The following NOTCH1 variants were observed in gnomAD, a reference collection of about 807,000 sequenced individuals.
The protein encoded by NOTCH1 is notch receptor 1.
Under a neutral mutation model 254.8 loss-of-function variants are expected in NOTCH1, and 37 were observed. The ratio of observed to expected loss-of-function variants is 0.15; its 90% CI spans 0.11 to 0.19. The LOEUF (loss-of-function observed/expected upper bound fraction) is 0.19, where lower values mean the gene tolerates loss of function less well. Among genes scored for constraint, NOTCH1 ranks in the 10% least tolerant of loss-of-function variants. The pLI, the probability that NOTCH1 is intolerant of heterozygous loss-of-function variation, is 1.00. For missense variants in NOTCH1, 2,972 were observed against 3,708.6 expected (o/e 0.80, Z 5.16); for synonymous variants, 1,731 against 1,618.1 (o/e 1.07, Z -1.68).
In NOTCH1 at chr9:136,515,565, G is replaced by A. The variant is rs371525014; in HGVS notation, c.1821C>T (p.Cys607=). 9 of 1,610,838 alleles carry A rather than the reference G, an allele frequency of 5.6e-6. No individual in the cohort carries two copies. Among genetic ancestry groups the A allele is most frequent in the African/African-American group, 2.7e-5 (2 of 74,930 alleles). ...CCCCGTGGCGGCAGGGCTGGCTGGA[G>A]CACTCGTTGATGTTGGTCTCGCAGT... ...GHHCETNINE[C]SSQPCRHGGT... The change falls in exon 11 of 34, where the codon TGC becomes TGT. Residue 607 remains cysteine, a synonymous_variant. Coordinates refer to ENST00000651671, the MANE Select transcript of NOTCH1 (RefSeq NM_017617.5).
rs202023246 is a variant in NOTCH1, at chr9:136,544,110, G to A, written c.62-8C>T. ...GCTGGGAGCATCGCGGGCCTAGGCA[G>A]GGGCAGGAGAAGAGAGGTCAGTCTC... On this transcript the variant is annotated splice_region_variant and splice_polypyrimidine_tract_variant and intron_variant, in intron 1 of 33. Transcript: ENST00000651671. 983 of 1,566,752 alleles carry A rather than the reference G, an allele frequency of 6.3e-4. 4 individuals are homozygous for A. The African/African-American group carries it at 0.012, about 19-fold the overall frequency.
intron 27 of NOTCH1, chr9:136,502,920 C>G (rs1843023405): frequency 7.5e-6 from 5 of 669,688 alleles, no homozygotes; most frequent in Non-Finnish European, 1.4e-5. Flanking sequence ...AAAGAAAATT[C>G]AGGAGGAAAG....
chr9:136,545,685 G>A lies in NOTCH1; in HGVS notation c.61+41C>T. The A allele has an allele frequency of 2.8e-6, 4 of 1,434,368 alleles. No individual in the cohort carries two copies. The highest frequency in any genetic ancestry group is 2.4e-4 in the Middle Eastern group (1 of 4,086). The allele number at this position is 1,434,368 out of a possible 1,614,324, so 88.9% of individuals were successfully genotyped here. A position where few individuals can be genotyped will look rare whatever the true frequency, so the allele number is the denominator to read the frequency against. On this transcript the variant is annotated intron_variant, in intron 1 of 33. Transcript: ENST00000651671. This position sits in a 1 kb window ranked among gnomAD's most constrained non-coding sequence, Gnocchi z 6.8. Reference sequence around the variant, plus strand: ...GCCGGGCGCCGCCAAAGTTTCCAAAGGGCGCGGAAAGTGGGGGCTCGCGGG... The same window carrying A: ...GCCGGGCGCCGCCAAAGTTTCCAAAAGGCGCGGAAAGTGGGGGCTCGCGGG...
chr9:136,494,538 CT>C lies in NOTCH1; in HGVS notation c.*1532del, dbSNP rs937371847. 2.5e-6 allele frequency: 1 copy of C among 399,006 alleles called. No individual in the cohort carries two copies. The highest frequency in any genetic ancestry group is 4.4e-6 in the Non-Finnish European group (1 of 226,072). 24.7% of individuals were successfully genotyped at this position (399,006 alleles called of 1,614,324 possible). On this transcript the variant is annotated 3_prime_UTR_variant, in exon 34 of 34. Coordinates refer to ENST00000651671, the MANE Select transcript of NOTCH1 (RefSeq NM_017617.5). ...TCCTCATGTAGATCACTTTTAAAGT[CT>C]TTTTCTGTAAACTACACTCTATTTT...
rs2133341947 is a variant in NOTCH1 at position 136,506,328 on chromosome 9, T to C, written c.4014+199A>G. Among the ~76,000 whole-genome samples, 1 of 151,996 alleles carries C rather than the reference T, an allele frequency of 6.6e-6. No homozygotes were observed. On this transcript the variant is annotated intron_variant, in intron 24 of 33. Coordinates refer to ENST00000651671, the MANE Select transcript of NOTCH1 (RefSeq NM_017617.5). This position sits in a 1 kb window ranked among gnomAD's most constrained non-coding sequence, Gnocchi z 4.5. Reference sequence around the variant, plus strand: ...GGGACAGCCACCCCAGGGAGTCTACTTCCTGCTCCATTTTTCTATAAATCT... The same window carrying C: ...GGGACAGCCACCCCAGGGAGTCTACCTCCTGCTCCATTTTTCTATAAATCT...
intron 4 of NOTCH1, chr9:136,522,592 G>A: frequency 1.9e-6 from 1 of 512,986 alleles, no homozygotes; most frequent in Non-Finnish European, 3.4e-6. Flanking sequence ...GCGTCCTACA[G>A]CTCGAATGTG....
Position 136,520,853 on chromosome 9 carries a change from C to A in NOTCH1, c.743-1288G>T, listed in dbSNP as rs972615136. On this transcript the variant is annotated intron_variant, in intron 4 of 33. Transcript: ENST00000651671. ...GGCTGGGCCTGCGACCCCAGGGCTG[C>A]CCTGCAAAGCACTGGCTGAGGCACA... 4.6e-5 allele frequency among the ~76,000 whole-genome samples: 7 copies of A among 152,310 alleles called. No individual in the cohort carries two copies. The East Asian group carries it at 1.2e-3, about 25-fold the overall frequency.
Position 136,545,736 on chromosome 9 carries a change from G to A in NOTCH1, c.51C>T (p.Leu17=), listed in dbSNP as rs1478932209. The A allele has an allele frequency of 4.2e-6, 6 of 1,425,966 alleles. No individual in the cohort carries two copies. The highest frequency in any genetic ancestry group is 5.5e-6 in the Non-Finnish European group (6 of 1,094,224). 88.3% of individuals were successfully genotyped at this position (1,425,966 alleles called of 1,614,324 possible). ...PLLCLALLPA[L]AARGPRCSQP... ...TGGGTGGGCGCCTACCTCGTGCGGC[G>A]AGCGCGGGCAGCAGCGCCAGGCAGA... Residue 17 remains leucine, a synonymous_variant, in exon 1 of 34, where the codon CTC becomes CTT. Coordinates refer to ENST00000651671, the MANE Select transcript of NOTCH1 (RefSeq NM_017617.5). This position sits in a 1 kb window ranked among gnomAD's most constrained non-coding sequence, Gnocchi z 6.8.
rs371532644 is a variant in NOTCH1 at position 136,508,999 on chromosome 9, C to T, written c.3042G>A (p.Thr1014=). 106 of 1,561,032 alleles carry T rather than the reference C, an allele frequency of 6.8e-5. 1 individual carries two copies. The African/African-American group carries it at 8.9e-4, about 13-fold the overall frequency. Residue 1014 remains threonine (T), a synonymous_variant, in exon 19 of 34, where the codon ACG becomes ACA. Transcript: ENST00000651671. Reference sequence around the variant, plus strand: ...TGACATCGTGCTGGCAGTAGCTGCCCGTGAAGCCGGGTGGACACAGGCAGG... The same window carrying T: ...TGACATCGTGCTGGCAGTAGCTGCCTGTGAAGCCGGGTGGACACAGGCAGG... The part of the protein sequence containing the change: ...SFTCLCPPGF[T]GSYCQHDVNE...
intron 17 of NOTCH1, 37 bp from the exon 18 acceptor site, chr9:136,509,998 C>A (rs368672433): frequency 6.3e-7 from 1 of 1,575,656 alleles, no homozygotes; most frequent in Non-Finnish European, 8.7e-7. Flanking sequence ...GAGGGGCAGG[C>A]ACAAACCCAC....
In NOTCH1 at chr9:136,517,365, C is replaced by T. The variant is rs753661188; in HGVS notation, c.1462G>A (p.Glu488Lys). The T allele has an allele frequency of 1.9e-6, 3 of 1,605,216 alleles. No homozygotes were observed. Among genetic ancestry groups the T allele is most frequent in the East Asian group, 2.2e-5 (1 of 44,476 alleles). The change falls in exon 9 of 34, where the codon GAG becomes AAG. Residue 488 changes from glutamate to lysine, a missense_variant. Physicochemically the swap from Glu to Lys is moderately conservative, Grantham distance 56. Transcript: ENST00000651671. ...CTGGCACACTCGTCTGTGTTGACCT[C>T]GCAGTGCACACCCTCGTAGCCTGTG... The part of the protein sequence containing the change: ...CMPGYEGVHC[E>K]VNTDECASSP...
rs771024805 is a variant in NOTCH1 at position 136,517,740 on chromosome 9, CG to C, written c.1441+11del. The C allele has an allele frequency of 1.4e-5, 22 of 1,612,388 alleles. No homozygotes were observed. Among genetic ancestry groups the C allele is most frequent in the Non-Finnish European group, 1.9e-5 (22 of 1,179,858 alleles). The stretch of plus-strand genomic sequence containing the variant: ...TCGACTCGGTTTCCCGCCCTGGCCC[CG>C]GCCGACGCACCGGGCATGCAGATGC... On this transcript the variant is annotated intron_variant, in intron 8 of 33. Coordinates refer to ENST00000651671, the MANE Select transcript of NOTCH1 (RefSeq NM_017617.5).
chr9:136,509,092 G>T (rs773291228), intron 18 of NOTCH1, 21 bp from the exon 19 acceptor site: 2 of 1,548,460 alleles, frequency 1.3e-6, no homozygotes, highest in Admixed American at 2.0e-5. Flanking sequence ...GTGGGCAGGC[G>T]GGGGCTGAGT....
chr9:136,512,832 G>A (rs1172296243), intron 15 of NOTCH1, among the ~76,000 whole-genome samples, 189 bp downstream of exon 15: 1 of 152,038 alleles, frequency 6.6e-6, no homozygotes, highest in Non-Finnish European at 1.5e-5. Context: ...GGCACTCAGT[G>A]AGGCGCAGAA....
rs1589053822 is a variant in NOTCH1 at position 136,497,879 on chromosome 9, G to A, written c.6181-321C>T. On this transcript the variant is annotated intron_variant, in intron 33 of 33. Coordinates refer to ENST00000651671, the MANE Select transcript of NOTCH1 (RefSeq NM_017617.5). ...TAACCAACTGCAGGCCCTCTTCCCT[G>A]CCCCCAATAAGGCACAAAAGGAAAT... Among the ~76,000 whole-genome samples, 2 of 152,162 alleles carry A rather than the reference G, an allele frequency of 1.3e-5. 1 individual carries two copies. The highest frequency in any genetic ancestry group is 1.3e-4 in the Admixed American group (2 of 15,278).
rs759861618 is a variant in NOTCH1, at chr9:136,540,355, G to A, written c.140+3669C>T. 4.6e-5 allele frequency among the ~76,000 whole-genome samples: 7 copies of A among 152,206 alleles called. No individual in the cohort carries two copies. The highest frequency in any genetic ancestry group is 4.2e-4 in the South Asian group (2 of 4,818). On this transcript the variant is annotated intron_variant, in intron 2 of 33. Transcript: ENST00000651671. This position sits in a 1 kb window ranked among gnomAD's most constrained non-coding sequence, Gnocchi z 4.4. Reference sequence around the variant, plus strand: ...GCCACCCTGGGAGATGGACTTCCCCGGAGCTGGAGCCATCCTGGGAGATGG... The same window carrying A: ...GCCACCCTGGGAGATGGACTTCCCCAGAGCTGGAGCCATCCTGGGAGATGG...
chr9:136,505,449 A>T lies in NOTCH1; in HGVS notation c.4447T>A (p.Phe1483Ile), dbSNP rs2133339116. Residue 1483 changes from phenylalanine (F) to isoleucine (I), a missense_variant, in exon 25 of 34, where the codon TTC (phenylalanine) becomes ATC (isoleucine). Coordinates refer to ENST00000651671, the MANE Select transcript of NOTCH1 (RefSeq NM_017617.5). Reference protein sequence around the residue: ...GWDGGDCSLNFNDPWKNCTQS... With the variant: ...GWDGGDCSLNINDPWKNCTQS... ...GTGCAGTTCTTCCAGGGGTCATTGAAGTTGAGGGAGCAGTCACCGCCGTCC... is the reference window on the plus strand; with the variant it reads ...GTGCAGTTCTTCCAGGGGTCATTGATGTTGAGGGAGCAGTCACCGCCGTCC... The T allele has an allele frequency of 1.9e-6, 3 of 1,612,842 alleles. No homozygotes were observed. The highest frequency in any genetic ancestry group is 2.5e-6 in the Non-Finnish European group (3 of 1,180,002).
intron 19 of NOTCH1, 84 bp downstream of exon 19, chr9:136,508,786 C>T (rs1589061258): frequency 7.6e-7 from 1 of 1,315,754 alleles, no homozygotes; most frequent in East Asian, 2.8e-5. Context: ...CACAGTGGGA[C>T]CTGGGGTGAC....
At chr9:136,522,017 G>T (rs1414418222) in intron 4 of NOTCH1, among the ~76,000 whole-genome samples, 1 of 144,242 alleles carries the variant, frequency 6.9e-6, no homozygotes, top group Non-Finnish European at 1.5e-5. Context: ...TCGCTCTGTC[G>T]CCCAGGCTGG....
Sources: gnomAD v4.1 joint callset for allele counts (sites outside exome capture counted in the v4.1 genomes callset) on GRCh38, gnomAD v4.1.1 for gene constraint, Gnocchi (gnomAD v3.1) non-coding constraint, MANE v1.5 for transcripts, NCBI Gene and HGNC (gene_info 2026-07-23, HGNC 2026-07-21) for gene names.